SLC12A9: variants seen among roughly 807,000 people sequenced by gnomAD.
SLC12A9 encodes CCC-interacting protein 1.
Under a neutral mutation model 66.0 loss-of-function variants are expected in SLC12A9, and 55 were observed. The ratio of observed to expected loss-of-function variants is 0.83; its 90% CI spans 0.67 to 1.04. SLC12A9 has a LOEUF of 1.04. SLC12A9 is among the 50% of genes least tolerant of loss of function. The probability of loss-of-function intolerance (pLI) is 0.00; values close to 1 mark genes in which losing one functional copy is unlikely to be tolerated. For missense variants in SLC12A9, 1,061 were observed against 1,241.9 expected (o/e 0.85, Z 2.19); for synonymous variants, 577 against 569.0 (o/e 1.01, Z -0.20).
At chr7:100,853,728 A>AT (rs1183207453) in intron 1 of SLC12A9, among the ~76,000 whole-genome samples, 148 of 130,004 alleles carry the variant, frequency 1.1e-3, no homozygotes, top group African/African-American at 1.7e-3. Flanking sequence ...CGCTTGGCTA[A>AT]TTTTTTTTTT....
rs932458658 is a variant in SLC12A9, at chr7:100,866,363, C to T, written c.2503C>T (p.Arg835Cys). The change falls in exon 14 of 14, where the codon CGC becomes TGC. Residue 835 changes from arginine (R) to cysteine (C), a missense_variant. Transcript: ENST00000354161. This position sits in a 1 kb window ranked among gnomAD's most constrained non-coding sequence, Gnocchi z 7.3. Reference sequence around the variant, plus strand: ...AGACGCAGAGGCAGAGGCCCTGGCACGCAGCGCCAACGCCCTGGTTCGGGC... The same window carrying T: ...AGACGCAGAGGCAGAGGCCCTGGCATGCAGCGCCAACGCCCTGGTTCGGGC... ...RGDAEAEALARSANALVRAQQ... is the reference protein window; with the variant it reads ...RGDAEAEALACSANALVRAQQ... The T allele has an allele frequency of 4.0e-5, 61 of 1,513,140 alleles. No individual in the cohort carries two copies. The highest frequency in any genetic ancestry group is 2.2e-4 in the Middle Eastern group (1 of 4,562). The allele number at this position is 1,513,140 out of a possible 1,614,324, so 93.7% of individuals were successfully genotyped here.
chr7:100,860,714 G>A (rs879812457), intron 9 of SLC12A9: 8 of 375,348 alleles, frequency 2.1e-5, no homozygotes, highest in Non-Finnish European at 3.6e-5. Flanking sequence ...GGGCTCACGG[G>A]CACTTTTCAG....
intron 4 of SLC12A9, 72 bp downstream of exon 4, chr7:100,855,909 A>G (rs1006256421): frequency 2.0e-6 from 3 of 1,511,948 alleles, no homozygotes; most frequent in Non-Finnish European, 2.7e-6. Context: ...ATGAGGGAGA[A>G]GGTCCTCTCC....
In SLC12A9 at chr7:100,861,714, C is replaced by T; in HGVS notation, c.1537-23C>T. ...TGTGCATTTGATCCTGCCACTTCCC[C>T]ACTGCCTCACCCCTATACCCAGGTG... On this transcript the variant is annotated intron_variant, in intron 11 of 13. Coordinates refer to ENST00000354161, the MANE Select transcript of SLC12A9 (RefSeq NM_020246.4). The surrounding 1 kb of genome is among the most constrained non-coding windows in gnomAD (Gnocchi z 5.3). 1.2e-6 allele frequency: 2 copies of T among 1,614,092 alleles called. No homozygotes were observed. Among genetic ancestry groups the T allele is most frequent in the Non-Finnish European group, 1.7e-6 (2 of 1,179,966 alleles).
At position 100,866,342 on chromosome 7, in the gene SLC12A9, G is replaced by A. The variant is rs922451179; in HGVS notation, c.2482G>A (p.Ala828Thr). Reference protein sequence around the residue: ...GDFVNSGRGDAEAEALARSAN... With the variant: ...GDFVNSGRGDTEAEALARSAN... Reference sequence around the variant, plus strand: ...CTTTGTGAACAGTGGGCGGGGAGACGCAGAGGCAGAGGCCCTGGCACGCAG... The same window carrying A: ...CTTTGTGAACAGTGGGCGGGGAGACACAGAGGCAGAGGCCCTGGCACGCAG... The change falls in exon 14 of 14, where the codon GCA (alanine) becomes ACA (threonine). Residue 828 changes from alanine to threonine, a missense_variant. Coordinates refer to ENST00000354161, the MANE Select transcript of SLC12A9 (RefSeq NM_020246.4). The surrounding 1 kb of genome is among the most constrained non-coding windows in gnomAD (Gnocchi z 7.3). The A allele has an allele frequency of 1.6e-5, 24 of 1,505,168 alleles. No homozygotes were observed. The highest frequency in any genetic ancestry group is 4.9e-5 in the East Asian group (2 of 40,522). 93.2% of individuals were successfully genotyped at this position (1,505,168 alleles called of 1,614,324 possible). A position where few individuals can be genotyped will look rare whatever the true frequency, so the allele number is the denominator to read the frequency against.
chr7:100,837,297 G>A (rs1428386307), intron 1 of SLC12A9: 1 of 152,192 alleles, frequency 6.6e-6, no homozygotes, highest in Non-Finnish European at 1.5e-5. Flanking sequence ...GAGGTGGGGA[G>A]GCAGGTCAGA....
At position 100,861,581 on chromosome 7, in the gene SLC12A9, C is replaced by T; in HGVS notation, c.1533C>T (p.His511=). ...ATGTCAGCCAGGCCTTGCTTTTCCA[C>T]CAGGTATGGGGAGCTGGTGGGGCGG... is the stretch of plus-strand genomic sequence containing the variant. The part of the protein sequence containing the change: ...WGYVSQALLF[H]QVRKYLLRLD... Residue 511 remains histidine, a synonymous_variant, in exon 11 of 14, where the codon CAC becomes CAT. Coordinates refer to ENST00000354161, the MANE Select transcript of SLC12A9 (RefSeq NM_020246.4). The surrounding 1 kb of genome is among the most constrained non-coding windows in gnomAD (Gnocchi z 5.3). 5.0e-6 allele frequency: 8 copies of T among 1,613,214 alleles called. No homozygotes were observed. Among genetic ancestry groups the T allele is most frequent in the Non-Finnish European group, 6.8e-6 (8 of 1,179,762 alleles).
rs1392964110 is a variant in SLC12A9, at chr7:100,866,500, C to T, written c.2640C>T (p.Pro880=). The change falls in exon 14 of 14, where the codon CCC becomes CCT. Residue 880 remains proline (P), a synonymous_variant. Coordinates refer to ENST00000354161, the MANE Select transcript of SLC12A9 (RefSeq NM_020246.4). This position sits in a 1 kb window ranked among gnomAD's most constrained non-coding sequence, Gnocchi z 7.3. Reference sequence around the variant, plus strand: ...ACTTGCCTCGGCCGCCAGCCGATCCCGCCCGATACCCCCGCTACCTGGCGC... The same window carrying T: ...ACTTGCCTCGGCCGCCAGCCGATCCTGCCCGATACCCCCGCTACCTGGCGC... ...FLYLPRPPAD[P]ARYPRYLALL... 9.0e-6 allele frequency: 14 copies of T among 1,562,800 alleles called. No homozygotes were observed. Among genetic ancestry groups the T allele is most frequent in the East Asian group, 2.4e-5 (1 of 42,204 alleles).
intron 7 of SLC12A9, chr7:100,859,649 T>C: frequency 1.9e-6 from 1 of 525,684 alleles, no homozygotes. Flanking sequence ...AGGTCGAGGC[T>C]GCAGTGAGCT....
At position 100,866,501 on chromosome 7, in the gene SLC12A9, GC is replaced by G; in HGVS notation, c.2644del (p.Arg882AspfsTer12). The G allele has an allele frequency of 6.4e-7, 1 of 1,563,284 alleles. No homozygotes were observed. Among genetic ancestry groups the G allele is most frequent in the Non-Finnish European group, 8.7e-7 (1 of 1,154,662 alleles). On this transcript the variant is annotated frameshift_variant, in exon 14 of 14. Transcript: ENST00000354161. LOFTEE classifies it high-confidence loss of function. The surrounding 1 kb of genome is among the most constrained non-coding windows in gnomAD (Gnocchi z 7.3). Reference sequence around the variant, plus strand: ...CTTGCCTCGGCCGCCAGCCGATCCCGCCCGATACCCCCGCTACCTGGCGCTA... The same window carrying G: ...CTTGCCTCGGCCGCCAGCCGATCCCGCCGATACCCCCGCTACCTGGCGCTA... ...LYLPRPPADP[A>X]RYPRYLALLE...
At chr7:100,858,500 G>A (rs1019029470) in intron 5 of SLC12A9, 3 of 214,722 alleles carry the variant, frequency 1.4e-5, no homozygotes, top group Admixed American at 1.0e-4. Context: ...TGAGGCAGGA[G>A]GATCGCTCTA....
At chr7:100,842,409 C>T (rs760058304) in intron 1 of SLC12A9, among the ~76,000 whole-genome samples, 3 of 152,172 alleles carry the variant, frequency 2.0e-5, no homozygotes, top group Non-Finnish European at 4.4e-5. Context: ...AAAAGCACTT[C>T]TGTCTCTCCT....
exon 1 of SLC12A9, chr7:100,826,966 C>A: frequency 1.4e-6 from 2 of 1,475,374 alleles, no homozygotes; most frequent in Non-Finnish European, 1.8e-6. Flanking sequence ...CCCCCCCCCG[C>A]AAGGAAACTC....
rs962364278 is a variant in SLC12A9 at position 100,861,677 on chromosome 7, G to C, written c.1537-60G>C. The stretch of plus-strand genomic sequence containing the variant: ...GAGTTGGTGCTCCCGTCCAGGAGGC[G>C]CTGAACGGGGCTGTGCATTTGATCC... On this transcript the variant is annotated intron_variant, in intron 11 of 13. Transcript: ENST00000354161. This position sits in a 1 kb window ranked among gnomAD's most constrained non-coding sequence, Gnocchi z 5.3. 6.2e-7 allele frequency: 1 copy of C among 1,608,150 alleles called. No individual in the cohort carries two copies. The highest frequency in any genetic ancestry group is 8.5e-7 in the Non-Finnish European group (1 of 1,174,932).
intron 9 of SLC12A9, chr7:100,860,467 G>A: frequency 1.8e-6 from 1 of 556,444 alleles, no homozygotes; most frequent in African/African-American, 1.9e-5. Flanking sequence ...CACTTTTTGG[G>A]GTACACGGGC....
chr7:100,840,740 G>A (rs1484901426), intron 1 of SLC12A9, among the ~76,000 whole-genome samples: 2 of 150,932 alleles, frequency 1.3e-5, no homozygotes, highest in Non-Finnish European at 2.9e-5. Context: ...GAAAGAAAGA[G>A]AGATATACAA....
At position 100,859,115 on chromosome 7, in the gene SLC12A9, T is replaced by C. The variant is rs1350364341; in HGVS notation, c.931T>C (p.Phe311Leu). 1 of 1,614,084 alleles carries C rather than the reference T, an allele frequency of 6.2e-7. No individual in the cohort carries two copies. Among genetic ancestry groups the C allele is most frequent in the Non-Finnish European group, 8.5e-7 (1 of 1,180,016 alleles). Residue 311 changes from phenylalanine (F) to leucine (L), a missense_variant, in exon 7 of 14, where the codon TTC becomes CTC. Phe to Leu is a conservative substitution (Grantham distance 22, BLOSUM62 0). Coordinates refer to ENST00000354161, the MANE Select transcript of SLC12A9 (RefSeq NM_020246.4). ...GTIVAVAYTF[F>L]VYVLLFFLSS... ...GATCGTCGCCGTCGCCTACACCTTC[T>C]TCGTCTATGTCCTGCTTTTCTTTCT...
At position 100,861,099 on chromosome 7, in the gene SLC12A9, C is replaced by T. The variant is rs897076555; in HGVS notation, c.1219-39C>T. 2 of 1,613,936 alleles carry T rather than the reference C, an allele frequency of 1.2e-6. No homozygotes were observed. The highest frequency in any genetic ancestry group is 8.5e-7 in the Non-Finnish European group (1 of 1,179,956). On this transcript the variant is annotated intron_variant, in intron 9 of 13. Transcript: ENST00000354161. This position sits in a 1 kb window ranked among gnomAD's most constrained non-coding sequence, Gnocchi z 5.3. Reference sequence around the variant, plus strand: ...CACTGGCATTTTGGGGGTGCACTGGCACTTTGGAACAACGGCACGCCTCTT... The same window carrying T: ...CACTGGCATTTTGGGGGTGCACTGGTACTTTGGAACAACGGCACGCCTCTT...
upstream of SLC12A9, among the ~76,000 whole-genome samples, chr7:100,851,327 A>G (rs1297993314): frequency 6.6e-6 from 1 of 152,100 alleles, no homozygotes. Flanking sequence ...ACAGACTAAC[A>G]AGGTAAGGTG....
Sources: allele counts gnomAD v4.1 joint callset (sites outside exome capture counted in the v4.1 genomes callset), GRCh38; gene constraint gnomAD v4.1.1; non-coding constraint Gnocchi (gnomAD v3.1); transcripts MANE v1.5; gene names NCBI Gene and HGNC (gene_info 2026-07-23, HGNC 2026-07-21).